Variants in DMTN observed in about 807,000 individuals in gnomAD.
DMTN encodes the protein dematin.
In DMTN, 27 loss-of-function variants were observed where a neutral mutation model predicts 59.4. The ratio of observed to expected loss-of-function variants is 0.45; its 90% confidence interval spans 0.33 to 0.63. The LOEUF (loss-of-function observed/expected upper bound fraction) is 0.63, where lower values mean the gene tolerates loss of function less well. Ranked by LOEUF, DMTN falls within the 20% of genes least tolerant of loss-of-function variation. The pLI is 0.02. For synonymous variants in DMTN, 221 were observed against 203.7 expected, an observed-to-expected ratio of 1.08 and a Z score of -0.72; for missense variants, 451 against 528.9, an observed-to-expected ratio of 0.85 and a Z score of 1.45.
chr8:22,053,241 G>A (rs768118636), upstream of DMTN, among the ~76,000 whole-genome samples: 4 of 152,180 alleles, frequency 2.6e-5, no homozygotes, highest in Non-Finnish European at 5.9e-5. Flanking sequence ...GCTGTGGCAG[G>A]GAGGAGATGG....
At chr8:22,070,052 G>T (rs1052768926) in intron 7 of DMTN, 115 bp downstream of exon 7, 20 of 1,553,258 alleles carry the variant, frequency 1.3e-5, no homozygotes, top group Non-Finnish European at 1.6e-5. Flanking sequence ...ACAGCAGCAC[G>T]TGTGCCCCGT....
chr8:22,053,050 G>A (rs1801517309), upstream of DMTN, among the ~76,000 whole-genome samples: 2 of 152,268 alleles, frequency 1.3e-5, no homozygotes, highest in South Asian at 4.1e-4. Context: ...TGATTTCAGT[G>A]GAGAAAATAT....
intron 10 of DMTN, among the ~76,000 whole-genome samples, chr8:22,078,097 G>A (rs1406034218): frequency 6.6e-6 from 1 of 150,988 alleles, no homozygotes; most frequent in African/African-American, 2.4e-5. Flanking sequence ...GGGTGCAGTG[G>A]CTCACACCCG....
chr8:22,081,480 C>G lies in DMTN; in HGVS notation c.*17C>G, dbSNP rs754900555. On this transcript the variant is annotated 3_prime_UTR_variant, in exon 16 of 16. Coordinates refer to ENST00000358242, the MANE Select transcript of DMTN (RefSeq NM_001387751.1). ...CTCTTCTGATGGCCCCCACCTGCTCCGGGACGGCCCCCTTACCCCTGCTGC... is the reference window on the plus strand; with the variant it reads ...CTCTTCTGATGGCCCCCACCTGCTCGGGGACGGCCCCCTTACCCCTGCTGC... 3.1e-6 allele frequency: 5 copies of G among 1,608,782 alleles called. No individual in the cohort carries two copies. Among genetic ancestry groups the G allele is most frequent in the Non-Finnish European group, 4.3e-6 (5 of 1,175,162 alleles).
intron 4 of DMTN, among the ~76,000 whole-genome samples, 191 bp downstream of exon 4, chr8:22,067,873 G>C (rs567453101): frequency 1.3e-5 from 2 of 152,358 alleles, no homozygotes; most frequent in African/African-American, 2.4e-5. Context: ...CTCTGGGCTG[G>C]CATGTGGCTC....
intron 1 of DMTN, among the ~76,000 whole-genome samples, chr8:22,063,958 T>C (rs1808444408): frequency 6.6e-6 from 1 of 152,222 alleles, no homozygotes; most frequent in Non-Finnish European, 1.5e-5. Context: ...TGCTCTGTGT[T>C]CATTGCAGAA....
intron 1 of DMTN, chr8:22,059,586 C>G (rs1166372919): frequency 6.6e-6 from 1 of 152,288 alleles, no homozygotes; most frequent in Non-Finnish European, 1.5e-5. Flanking sequence ...TGGCCTCAGG[C>G]AGGCCGGGGT....
rs1389530445 is a variant in DMTN at position 22,060,485 on chromosome 8, C to T, written c.-172+3349C>T. On this transcript the variant is annotated intron_variant, in intron 1 of 15. Coordinates refer to ENST00000358242, the MANE Select transcript of DMTN (RefSeq NM_001387751.1). This position sits in a 1 kb window ranked among gnomAD's most constrained non-coding sequence, Gnocchi z 5.0. The stretch of plus-strand genomic sequence containing the variant: ...CATATACACACACTCTTCTCCACCC[C>T]CATTTTCCCGGCTGGCCTTCTGACA... Among the ~76,000 whole-genome samples, 1 of 152,172 alleles carries T rather than the reference C, an allele frequency of 6.6e-6. No homozygotes were observed. Among genetic ancestry groups the T allele is most frequent in the African/African-American group, 2.4e-5 (1 of 41,418 alleles).
chr8:22,072,718 G>A (rs10108645), intron 9 of DMTN, among the ~76,000 whole-genome samples: 2 of 149,088 alleles, frequency 1.3e-5, no homozygotes, highest in African/African-American at 5.0e-5. Flanking sequence ...CAAGCGATCC[G>A]CCCACCTCGG....
chr8:22,079,412 C>T (rs2131542091), intron 10 of DMTN, among the ~76,000 whole-genome samples: 1 of 149,950 alleles, frequency 6.7e-6, no homozygotes, highest in South Asian at 2.1e-4. Flanking sequence ...AATCACACCA[C>T]TGCACTTCAG....
At chr8:22,069,764 C>A in intron 6 of DMTN, 117 bp from the exon 7 acceptor site, 4 of 1,243,730 alleles carry the variant, frequency 3.2e-6, no homozygotes, top group Non-Finnish European at 4.7e-6. Context: ...CCTGTCTTGG[C>A]TCTTGACAGG....
At position 22,069,065 on chromosome 8, in the gene DMTN, G is replaced by A; in HGVS notation, c.294+5G>A. ...TCCCCCCCACCATCCCCAGAGGTGA[G>A]TCTGCCCCACACCTGCAACTTGCCC... On this transcript the variant is annotated splice_donor_5th_base_variant and intron_variant, in intron 5 of 15. Coordinates refer to ENST00000358242, the MANE Select transcript of DMTN (RefSeq NM_001387751.1). The A allele has an allele frequency of 6.2e-7, 1 of 1,611,450 alleles. No homozygotes were observed. The highest frequency in any genetic ancestry group is 8.5e-7 in the Non-Finnish European group (1 of 1,178,686).
At position 22,067,101 on chromosome 8, in the gene DMTN, C is replaced by A; in HGVS notation, c.35C>A (p.Pro12His). The change falls in exon 3 of 16, where the codon CCC becomes CAC. Residue 12 changes from proline to histidine, a missense_variant. By Grantham distance (77) the Pro-to-His change is moderately conservative (BLOSUM62 -2). Coordinates refer to ENST00000358242, the MANE Select transcript of DMTN (RefSeq NM_001387751.1). Reference protein sequence around the residue: ...ERLQKQPLTSPGSVSPSRDSS... With the variant: ...ERLQKQPLTSHGSVSPSRDSS... ...TCTCCCCAGCAACCACTTACCTCCCCCGGGAGCGTGAGCCCCTCCCGAGAT... is the reference window on the plus strand; with the variant it reads ...TCTCCCCAGCAACCACTTACCTCCCACGGGAGCGTGAGCCCCTCCCGAGAT... 1 of 1,606,884 alleles carries A rather than the reference C, an allele frequency of 6.2e-7. No homozygotes were observed. The highest frequency in any genetic ancestry group is 1.1e-5 in the South Asian group (1 of 90,598).
intron 10 of DMTN, among the ~76,000 whole-genome samples, chr8:22,075,195 A>AAG (rs1201143594): frequency 6.6e-6 from 1 of 150,818 alleles, no homozygotes; most frequent in East Asian, 2.0e-4. Flanking sequence ...TCAAAAAAAA[A>AAG]AAAAAGAAAA....
upstream of DMTN, chr8:22,049,108 C>G (rs551311381): frequency 6.8e-4 from 102 of 149,302 alleles, no homozygotes; most frequent in African/African-American, 2.4e-3. Context: ...CCAGCCGGGC[C>G]CCGGGCCCCA....
At chr8:22,071,087 TTTA>T (rs750609391) in intron 8 of DMTN, among the ~76,000 whole-genome samples, 12 of 131,784 alleles carry the variant, frequency 9.1e-5, no homozygotes, top group East Asian at 3.9e-4. Flanking sequence ...TTTTATTTTA[TTTA>T]TTTATTTATT....
chr8:22,055,538 C>G (rs542693988), upstream of DMTN: 1 of 152,512 alleles, frequency 6.6e-6, no homozygotes, highest in East Asian at 1.9e-4. Flanking sequence ...GGCTGTGCCC[C>G]TTTCTGCCAC....
At position 22,081,793 on chromosome 8, in the gene DMTN, G is replaced by T. The variant is rs565735481; in HGVS notation, c.*330G>T. On this transcript the variant is annotated 3_prime_UTR_variant, in exon 16 of 16. Coordinates refer to ENST00000358242, the MANE Select transcript of DMTN (RefSeq NM_001387751.1). Reference sequence around the variant, plus strand: ...AATGAGGGGCATTGGTGGTTAGGCCGGTTGGCTGTCTTGAACAGCTGGAGG... The same window carrying T: ...AATGAGGGGCATTGGTGGTTAGGCCTGTTGGCTGTCTTGAACAGCTGGAGG... 17 of 504,002 alleles carry T rather than the reference G, an allele frequency of 3.4e-5. 1 individual carries two copies. Among genetic ancestry groups the T allele is most frequent in the South Asian group, 2.4e-4 (15 of 63,676 alleles). The allele number at this position is 504,002 out of a possible 1,614,324, so 31.2% of individuals were successfully genotyped here. A position where few individuals can be genotyped will look rare whatever the true frequency, so the allele number is the denominator to read the frequency against.
At chr8:22,057,757 C>G (rs895895264) in intron 1 of DMTN, 6 of 152,442 alleles carry the variant, frequency 3.9e-5, no homozygotes, top group Non-Finnish European at 7.3e-5. Context: ...GACATGCAGC[C>G]CCCACAGGGT....
Sources: gnomAD v4.1 joint callset for allele counts (sites outside exome capture counted in the v4.1 genomes callset) on GRCh38, gnomAD v4.1.1 for gene constraint, Gnocchi (gnomAD v3.1) non-coding constraint, MANE v1.5 for transcripts, NCBI Gene and HGNC (gene_info 2026-07-23, HGNC 2026-07-21) for gene names.